Variants in STK32B observed in about 807,000 individuals in gnomAD.
The protein encoded by STK32B is serine/threonine-protein kinase 32B.
STK32B carries 43 observed loss-of-function variants against 52.6 expected under a neutral mutation model. That is an observed-to-expected ratio of 0.82 (90% CI 0.64 to 1.05). The LOEUF (loss-of-function observed/expected upper bound fraction) is 1.05. STK32B is among the 50% of genes least tolerant of loss of function. The probability of loss-of-function intolerance (pLI) is 0.00; values close to 1 mark genes in which losing one functional copy is unlikely to be tolerated. For missense variants in STK32B, 621 were observed against 534.6 expected, an observed-to-expected ratio of 1.16 and a Z score of -1.59; for synonymous variants, 238 against 204.3, an observed-to-expected ratio of 1.17 and a Z score of -1.41.
the STK32B span, among the ~76,000 whole-genome samples, chr4:5,020,890 G>A: frequency 6.6e-6 from 1 of 152,226 alleles, no homozygotes; most frequent in African/African-American, 2.4e-5. Flanking sequence ...GAGGGCCTCG[G>A]GGGATGTGAA....
chr4:5,406,265 G>A (rs56049798), intron 5 of STK32B, among the ~76,000 whole-genome samples: 20,663 of 152,194 alleles, frequency 0.14, 2,513 homozygotes, highest in African/African-American at 0.33. Flanking sequence ...ATCTCTGCCC[G>A]TGTTGCTCTG....
At chr4:5,485,537 C>G (rs539950418) in intron 11 of STK32B, among the ~76,000 whole-genome samples, 1 of 152,216 alleles carries the variant, frequency 6.6e-6, no homozygotes, top group African/African-American at 2.4e-5. Flanking sequence ...CTCAAACTTC[C>G]TCCTTTAGCT....
At chr4:5,463,540 G>A (rs1464610913) in intron 9 of STK32B, among the ~76,000 whole-genome samples, 1 of 151,638 alleles carries the variant, frequency 6.6e-6, no homozygotes, top group Non-Finnish European at 1.5e-5. Flanking sequence ...ATGCACACGT[G>A]CCCCCACACA....
In STK32B at chr4:5,159,663, GAATGTATATGAATATATATATGAATA is replaced by G. The variant is rs1718237690; in HGVS notation, c.109-8635_109-8610del. Among the ~76,000 whole-genome samples the G allele has an allele frequency of 3.2e-5, 2 of 62,512 alleles. 1 individual carries two copies. The highest frequency in any genetic ancestry group is 1.6e-4 in the African/African-American group (2 of 12,586). The allele number at this position is 62,512 out of a possible 152,430, so 41.0% of individuals were successfully genotyped here. A position where few individuals can be genotyped will look rare whatever the true frequency, so the allele number is the denominator to read the frequency against. ...TATGAATGTATATGAATATATATAT[GAATGTATATGAATATATATATGAATA>G]TATATGAATATATATGAATATATAT... is the stretch of plus-strand genomic sequence containing the variant. On this transcript the variant is annotated intron_variant, in intron 2 of 11. Coordinates refer to ENST00000282908, the MANE Select transcript of STK32B (RefSeq NM_018401.3).
chr4:5,054,405 C>T (rs932985883), intron 1 of STK32B, among the ~76,000 whole-genome samples: 1 of 150,522 alleles, frequency 6.6e-6, no homozygotes, highest in Non-Finnish European at 1.5e-5. Context: ...GCAGAAATGG[C>T]AGGAGTTACC....
chr4:5,457,641 G>A (rs1027125494), intron 8 of STK32B, among the ~76,000 whole-genome samples: 3 of 151,426 alleles, frequency 2.0e-5, no homozygotes, highest in African/African-American at 7.3e-5. Context: ...GCTGAGGTGG[G>A]TGGATCACAT....
chr4:5,066,463 G>A (rs568220191), intron 1 of STK32B, among the ~76,000 whole-genome samples: 5 of 152,068 alleles, frequency 3.3e-5, no homozygotes, highest in African/African-American at 7.2e-5. Flanking sequence ...TGATCGTGTC[G>A]GTTCCTTGCT....
intron 3 of STK32B, among the ~76,000 whole-genome samples, chr4:5,173,879 G>C (rs1484673026): frequency 1.3e-5 from 2 of 152,128 alleles, no homozygotes; most frequent in Non-Finnish European, 2.9e-5. Context: ...TTGTCTCATT[G>C]ATCTGTCTAA....
chr4:5,101,839 A>G (rs1265271267), intron 1 of STK32B, among the ~76,000 whole-genome samples: 21 of 152,204 alleles, frequency 1.4e-4, no homozygotes, highest in Admixed American at 6.5e-5. Flanking sequence ...CAGTTTTGTA[A>G]ATATGCCTTG....
intron 4 of STK32B, among the ~76,000 whole-genome samples, chr4:5,384,332 G>T (rs1383984270): frequency 6.6e-6 from 1 of 152,214 alleles, no homozygotes; most frequent in East Asian, 1.9e-4. Flanking sequence ...GGTAGAAGCA[G>T]CAGGGTTTGC....
chr4:5,051,605 A>C lies in STK32B; in HGVS notation c.-259A>C, dbSNP rs983446811. 6 of 488,182 alleles carry C rather than the reference A, an allele frequency of 1.2e-5. No individual in the cohort carries two copies. The highest frequency in any genetic ancestry group is 2.1e-5 in the Non-Finnish European group (6 of 280,308). 30.2% of individuals were successfully genotyped at this position (488,182 alleles called of 1,614,324 possible). On this transcript the variant is annotated 5_prime_UTR_variant, in exon 1 of 12. Transcript: ENST00000282908. Reference sequence around the variant, plus strand: ...TTCCCGGGCGGGCACTGGAGTAAGGAGCTGCGAGCGCAGCCCGAGGCGGGG... The same window carrying C: ...TTCCCGGGCGGGCACTGGAGTAAGGCGCTGCGAGCGCAGCCCGAGGCGGGG...
At chr4:5,330,980 T>C (rs1030768316) in intron 3 of STK32B, among the ~76,000 whole-genome samples, 3 of 152,136 alleles carry the variant, frequency 2.0e-5, no homozygotes, top group Admixed American at 6.5e-5. Flanking sequence ...TGGGAACTAA[T>C]GCTGGGTACT....
intron 6 of STK32B, among the ~76,000 whole-genome samples, chr4:5,425,755 G>C (rs1005257979): frequency 1.3e-5 from 2 of 152,080 alleles, no homozygotes; most frequent in Non-Finnish European, 2.9e-5. Flanking sequence ...CCACTATAAA[G>C]ATATAGATGG....
intron 1 of STK32B, among the ~76,000 whole-genome samples, chr4:5,056,393 G>A: frequency 6.6e-6 from 1 of 152,158 alleles, no homozygotes; most frequent in South Asian, 2.1e-4. Flanking sequence ...ATTCACTTCT[G>A]TATCCTTAAG....
intron 3 of STK32B, among the ~76,000 whole-genome samples, chr4:5,239,302 G>T (rs778417093): frequency 6.6e-5 from 10 of 152,156 alleles, no homozygotes; most frequent in Admixed American, 3.9e-4. Context: ...ATAATGCATG[G>T]GTGGGAGTGA....
chr4:5,422,648 G>A (rs1369298683), intron 6 of STK32B, among the ~76,000 whole-genome samples: 3 of 152,196 alleles, frequency 2.0e-5, no homozygotes, highest in African/African-American at 7.2e-5. Flanking sequence ...AACATTTACT[G>A]AGTGTTTAGG....
chr4:5,065,606 G>A (rs1742390751), intron 1 of STK32B, among the ~76,000 whole-genome samples: 3 of 152,054 alleles, frequency 2.0e-5, no homozygotes, highest in Admixed American at 6.5e-5. Flanking sequence ...TGCCTAGCAC[G>A]AGGCCAGCTG....
At chr4:5,182,617 A>G (rs1369553469) in intron 3 of STK32B, among the ~76,000 whole-genome samples, 1 of 151,992 alleles carries the variant, frequency 6.6e-6, no homozygotes, top group Non-Finnish European at 1.5e-5. Context: ...GGCCGCCACC[A>G]TGCCTGGCTA....
At chr4:5,357,018 TATATAC>T (rs1486824705) in intron 4 of STK32B, among the ~76,000 whole-genome samples, 2 of 150,374 alleles carry the variant, frequency 1.3e-5, no homozygotes, top group Admixed American at 6.6e-5. Flanking sequence ...TATATATATA[TATATAC>T]ACACACACAC....
Sources: gnomAD v4.1 joint callset for allele counts (sites outside exome capture counted in the v4.1 genomes callset) on GRCh38, gnomAD v4.1.1 for gene constraint, MANE v1.5 for transcripts, NCBI Gene and HGNC (gene_info 2026-07-23, HGNC 2026-07-21) for gene names.